Variants in DISP1 observed in about 807,000 individuals in gnomAD.
The protein encoded by DISP1 is protein dispatched homolog 1.
A neutral mutation model predicts 37.3 loss-of-function variants in DISP1; 30 were observed. The ratio of observed to expected loss-of-function variants is 0.80; its 90% CI spans 0.60 to 1.09. DISP1 has a LOEUF of 1.09. Among genes scored for constraint, DISP1 ranks in the 50% least tolerant of loss-of-function variants. The pLI is 0.00. For missense variants in DISP1, 1,598 were observed against 1,879.5 expected (o/e 0.85, Z 2.77); for synonymous variants, 634 against 690.2 (o/e 0.92, Z 1.28).
At chr1:222,840,557 C>CTT (rs71176702) in intron 1 of DISP1, among the ~76,000 whole-genome samples, 10,913 of 115,876 alleles carry the variant, frequency 0.094, 787 homozygotes, top group Non-Finnish European at 0.14. Context: ...TACAGTATCT[C>CTT]TTTTTTTTTT....
At chr1:222,842,636 T>C (rs576229162) in intron 1 of DISP1, among the ~76,000 whole-genome samples, 70 of 152,188 alleles carry the variant, frequency 4.6e-4, no homozygotes, top group Non-Finnish European at 8.4e-4. Context: ...GAGGAACAAT[T>C]GCATAAATAC....
At chr1:222,952,628 G>A (rs980674093) in intron 3 of DISP1, among the ~76,000 whole-genome samples, 2 of 152,116 alleles carry the variant, frequency 1.3e-5, no homozygotes, top group African/African-American at 4.8e-5. Context: ...GAGGCAGGCG[G>A]ATCACAAGGT....
intron 1 of DISP1, among the ~76,000 whole-genome samples, chr1:222,868,091 A>C (rs1328512288): frequency 6.6e-6 from 1 of 152,194 alleles, no homozygotes; most frequent in Non-Finnish European, 1.5e-5. Flanking sequence ...TATTAAGAAA[A>C]GACTAGATTA....
chr1:222,827,962 C>T lies in DISP1; in HGVS notation c.-159+12884C>T, dbSNP rs756388495. On this transcript the variant is annotated intron_variant, in intron 1 of 8. Coordinates refer to ENST00000675850, the MANE Select transcript of DISP1 (RefSeq NM_001377229.1). ...TGATCCAGCAGCCTAAAAGAATGACCTCCTCACTGGTTGAGCATACTTCAG... is the reference window on the plus strand; with the variant it reads ...TGATCCAGCAGCCTAAAAGAATGACTTCCTCACTGGTTGAGCATACTTCAG... Among the ~76,000 whole-genome samples, 6 of 152,250 alleles carry T rather than the reference C, an allele frequency of 3.9e-5. No homozygotes were observed. In the East Asian group the frequency reaches 5.8e-4, roughly 15 times the overall value.
At chr1:222,981,069 C>T (rs897910936) in intron 3 of DISP1, among the ~76,000 whole-genome samples, 2 of 152,230 alleles carry the variant, frequency 1.3e-5, no homozygotes, top group African/African-American at 4.8e-5. Context: ...CAAAGCAAGA[C>T]TCTGTCTCAG....
chr1:222,864,538 T>C (rs1341965350), intron 1 of DISP1, among the ~76,000 whole-genome samples: 2 of 152,110 alleles, frequency 1.3e-5, no homozygotes, highest in African/African-American at 4.8e-5. Context: ...GAACAGTCAA[T>C]CCTTTTTTCA....
At chr1:222,880,187 T>G (rs1308084592) in intron 1 of DISP1, among the ~76,000 whole-genome samples, 2 of 152,162 alleles carry the variant, frequency 1.3e-5, no homozygotes, top group Non-Finnish European at 2.9e-5. Context: ...AGAAAGTGAT[T>G]GTTATGATAT....
At chr1:222,921,015 A>C (rs1173722423) in intron 1 of DISP1, among the ~76,000 whole-genome samples, 1 of 152,190 alleles carries the variant, frequency 6.6e-6, no homozygotes, top group African/African-American at 2.4e-5. Context: ...ATTTGCTACT[A>C]TAAGATTAAT....
At chr1:222,826,377 C>CT (rs376799233) in intron 1 of DISP1, among the ~76,000 whole-genome samples, 54,094 of 110,384 alleles carry the variant, frequency 0.49, 15,966 homozygotes, top group African/African-American at 0.77. Flanking sequence ...CACTTTAATA[C>CT]TTTTTTTTTT....
intron 3 of DISP1, chr1:222,979,884 G>C: frequency 5.2e-6 from 1 of 192,368 alleles, no homozygotes; most frequent in East Asian, 1.2e-4. Flanking sequence ...GGCTTGTTTT[G>C]GTAATTATGT....
intron 1 of DISP1, among the ~76,000 whole-genome samples, chr1:222,881,471 C>T (rs775743017): frequency 4.3e-4 from 66 of 152,210 alleles, no homozygotes; most frequent in Non-Finnish European, 6.3e-4. Flanking sequence ...GCTGGGATTA[C>T]AGACATGAGC....
At chr1:222,821,400 A>T (rs900294860) in intron 1 of DISP1, among the ~76,000 whole-genome samples, 2 of 152,240 alleles carry the variant, frequency 1.3e-5, no homozygotes, top group African/African-American at 4.8e-5. Context: ...GCATCATAAG[A>T]TATGAAAGCA....
At chr1:222,891,304 A>G (rs1670926999) in intron 1 of DISP1, among the ~76,000 whole-genome samples, 1 of 152,210 alleles carries the variant, frequency 6.6e-6, no homozygotes, top group Admixed American at 6.5e-5. Context: ...GCTGTGAAGG[A>G]AGGAATAATC....
intron 1 of DISP1, among the ~76,000 whole-genome samples, chr1:222,836,192 T>A (rs1174800383): frequency 6.6e-6 from 1 of 152,204 alleles, no homozygotes; most frequent in African/African-American, 2.4e-5. Flanking sequence ...ATTATTTTAC[T>A]CTCATGATGT....
intron 2 of DISP1, among the ~76,000 whole-genome samples, chr1:222,936,852 G>T (rs867911205): frequency 1.2e-3 from 52 of 42,020 alleles, no homozygotes; most frequent in South Asian, 5.4e-3. Context: ...TCATATATAT[G>T]ATATATAATT....
chr1:222,942,486 A>G (rs1674458361), intron 2 of DISP1, among the ~76,000 whole-genome samples: 2 of 152,058 alleles, frequency 1.3e-5, no homozygotes, highest in Admixed American at 1.3e-4. Context: ...CTCTCATGCA[A>G]AATGGTCTAG....
chr1:222,981,404 A>C (rs1174663088), intron 3 of DISP1, among the ~76,000 whole-genome samples: 1 of 152,198 alleles, frequency 6.6e-6, no homozygotes, highest in African/African-American at 2.4e-5. Flanking sequence ...GCAACTTCTG[A>C]GATTGTTCCA....
intron 2 of DISP1, among the ~76,000 whole-genome samples, chr1:222,939,981 C>T (rs1337256775): frequency 6.6e-6 from 1 of 151,882 alleles, no homozygotes; most frequent in South Asian, 2.1e-4. Context: ...GAAAAATTAG[C>T]CAGGCGTGGT....
chr1:222,957,765 G>A (rs1675722516), intron 3 of DISP1, among the ~76,000 whole-genome samples: 1 of 152,074 alleles, frequency 6.6e-6, no homozygotes, highest in Non-Finnish European at 1.5e-5. Context: ...TTCCTGCCCA[G>A]TCTTAGATAA....
Sources: gnomAD v4.1 joint callset for allele counts (sites outside exome capture counted in the v4.1 genomes callset) on GRCh38, gnomAD v4.1.1 for gene constraint, MANE v1.5 for transcripts, NCBI Gene and HGNC (gene_info 2026-07-23, HGNC 2026-07-21) for gene names.